Variants in CNTN5 observed in about 807,000 individuals in gnomAD.
CNTN5 encodes contactin-5.
In CNTN5, 77 loss-of-function variants were observed where a neutral mutation model predicts 129.1. The ratio of observed to expected loss-of-function variants is 0.60; its 90% CI spans 0.50 to 0.72. The LOEUF is 0.72. Among genes scored for constraint, CNTN5 ranks in the 30% least tolerant of loss-of-function variants. The pLI is 0.00. For missense variants in CNTN5, 1,478 were observed against 1,328.8 expected, an observed-to-expected ratio of 1.11 and a Z score of -1.75; for synonymous variants, 509 against 465.6, an observed-to-expected ratio of 1.09 and a Z score of -1.20.
intron 1 of CNTN5, among the ~76,000 whole-genome samples, chr11:99,121,203 G>T (rs948764823): frequency 6.7e-6 from 1 of 149,770 alleles, no homozygotes; most frequent in East Asian, 2.0e-4. Context: ...GGCACCATCT[G>T]GGCTCACTGC....
At chr11:99,690,728 T>G (rs1954005618) in intron 3 of CNTN5, among the ~76,000 whole-genome samples, 1 of 152,142 alleles carries the variant, frequency 6.6e-6, no homozygotes, top group Non-Finnish European at 1.5e-5. Flanking sequence ...TTTTATTCTT[T>G]TATGTCTCTG....
At chr11:99,323,705 G>A (rs906404340) in intron 1 of CNTN5, among the ~76,000 whole-genome samples, 1 of 151,990 alleles carries the variant, frequency 6.6e-6, no homozygotes, top group Non-Finnish European at 1.5e-5. Flanking sequence ...AACATAACTT[G>A]TCAAATCCTA....
At chr11:99,958,012 T>G (rs140433225) in intron 8 of CNTN5, among the ~76,000 whole-genome samples, 1 of 151,870 alleles carries the variant, frequency 6.6e-6, no homozygotes, top group African/African-American at 2.4e-5. Context: ...ATATAAAATA[T>G]ATATAATAGT....
chr11:100,273,831 T>C (rs989713128), intron 18 of CNTN5, among the ~76,000 whole-genome samples: 5 of 152,230 alleles, frequency 3.3e-5, no homozygotes, highest in African/African-American at 1.2e-4. Flanking sequence ...GGTATTTCTA[T>C]TAAACTACCA....
intron 3 of CNTN5, among the ~76,000 whole-genome samples, chr11:99,690,354 G>A (rs965211916): frequency 6.6e-5 from 10 of 151,970 alleles, no homozygotes; most frequent in African/African-American, 2.4e-4. Context: ...GTTTGAAGTT[G>A]GGTAACATGA....
chr11:99,982,982 A>C (rs965088114), intron 8 of CNTN5, among the ~76,000 whole-genome samples: 2 of 152,084 alleles, frequency 1.3e-5, no homozygotes, highest in Non-Finnish European at 2.9e-5. Context: ...TGGACCATGG[A>C]GGGCCCAAAG....
intron 9 of CNTN5, among the ~76,000 whole-genome samples, chr11:100,041,924 T>C (rs1323493347): frequency 6.6e-6 from 1 of 152,136 alleles, no homozygotes; most frequent in Non-Finnish European, 1.5e-5. Flanking sequence ...TAATACATAA[T>C]CACACGTTCT....
At chr11:99,189,431 C>G (rs932990404) in intron 1 of CNTN5, among the ~76,000 whole-genome samples, 28 of 151,500 alleles carry the variant, frequency 1.8e-4, no homozygotes, top group Non-Finnish European at 3.4e-4. Context: ...TATGGCACTT[C>G]TATTTTTAAT....
chr11:99,776,125 A>G (rs900964922), intron 3 of CNTN5, among the ~76,000 whole-genome samples: 3 of 151,858 alleles, frequency 2.0e-5, no homozygotes, highest in Admixed American at 1.3e-4. Context: ...TTGAGTAAAC[A>G]CTCTGTGCTA....
At position 99,495,354 on chromosome 11, in the gene CNTN5, C is replaced by T. The variant is rs7104069; in HGVS notation, c.-70-60791C>T. 3.9e-5 allele frequency among the ~76,000 whole-genome samples: 6 copies of T among 151,976 alleles called. 1 individual carries two copies. In the South Asian group the frequency reaches 8.3e-4, roughly 21 times the overall value. ...CTGCACTCCAGCCTGGGCAACAGAG[C>T]GAGACTTTGTCTCAAAAAATTAAAA... On this transcript the variant is annotated intron_variant, in intron 2 of 24. Transcript: ENST00000524871.
intron 9 of CNTN5, among the ~76,000 whole-genome samples, chr11:100,013,026 T>C (rs916999663): frequency 4.6e-5 from 7 of 152,206 alleles, no homozygotes; most frequent in African/African-American, 1.7e-4. Flanking sequence ...AATGAAGTTA[T>C]GCCTTTTGCA....
At chr11:99,730,286 G>C (rs992190770) in intron 3 of CNTN5, among the ~76,000 whole-genome samples, 1 of 152,176 alleles carries the variant, frequency 6.6e-6, no homozygotes, top group Non-Finnish European at 1.5e-5. Context: ...TAGAAGAAAG[G>C]GTGTGATAAT....
intron 2 of CNTN5, among the ~76,000 whole-genome samples, chr11:99,399,992 G>A (rs550706592): frequency 6.6e-4 from 101 of 152,004 alleles, no homozygotes; most frequent in African/African-American, 2.4e-3. Context: ...TCTCTTTCAT[G>A]TTACAAACAA....
chr11:99,100,938 A>G (rs1446277596), intron 1 of CNTN5, among the ~76,000 whole-genome samples: 1 of 152,220 alleles, frequency 6.6e-6, no homozygotes, highest in Non-Finnish European at 1.5e-5. Flanking sequence ...AGCAATAAGA[A>G]TTAATATGAT....
At chr11:99,558,907 C>A (rs1016398474) in intron 3 of CNTN5, among the ~76,000 whole-genome samples, 4 of 151,890 alleles carry the variant, frequency 2.6e-5, no homozygotes, top group African/African-American at 9.7e-5. Flanking sequence ...AGATGAATTT[C>A]TTTTTTGCTG....
intron 1 of CNTN5, among the ~76,000 whole-genome samples, chr11:99,023,668 C>G (rs1023438484): frequency 1.4e-4 from 22 of 152,142 alleles, no homozygotes; most frequent in Admixed American, 1.2e-3. Flanking sequence ...AAAAACTAAT[C>G]CAGAATTTTA....
At chr11:99,266,366 AGGTG>A (rs1862889272) in intron 1 of CNTN5, among the ~76,000 whole-genome samples, 1 of 152,086 alleles carries the variant, frequency 6.6e-6, no homozygotes, top group Non-Finnish European at 1.5e-5. Flanking sequence ...TGGAAAGCAT[AGGTG>A]GGAGGATCGC....
intron 1 of CNTN5, among the ~76,000 whole-genome samples, chr11:99,271,251 T>C (rs1235385021): frequency 6.6e-6 from 1 of 151,794 alleles, no homozygotes; most frequent in East Asian, 1.9e-4. Flanking sequence ...TAATGGAAAA[T>C]GCATTTTTTT....
intron 1 of CNTN5, among the ~76,000 whole-genome samples, chr11:99,186,743 A>T (rs1212861717): frequency 2.6e-5 from 4 of 151,966 alleles, no homozygotes; most frequent in African/African-American, 9.7e-5. Flanking sequence ...CAATCTGTAA[A>T]ATAAGACCAG....
Sources: allele counts gnomAD v4.1 joint callset (sites outside exome capture counted in the v4.1 genomes callset), GRCh38; gene constraint gnomAD v4.1.1; transcripts MANE v1.5; gene names NCBI Gene and HGNC (gene_info 2026-07-23, HGNC 2026-07-21).